The following EPB41L5 variants were observed in gnomAD, a reference collection of about 807,000 sequenced individuals.
The protein encoded by EPB41L5 is erythrocyte membrane protein band 4.1 like 5.
A neutral mutation model predicts 106.6 loss-of-function variants in EPB41L5; 55 were observed. That is an observed-to-expected ratio of 0.52 (90% CI 0.42 to 0.65). The LOEUF is 0.65. EPB41L5 is among the 30% of genes least tolerant of loss of function. The pLI is 0.00. For synonymous variants in EPB41L5, 297 were observed against 306.7 expected, an observed-to-expected ratio of 0.97 and a Z score of 0.33; for missense variants, 871 against 882.1, an observed-to-expected ratio of 0.99 and a Z score of 0.16.
chr2:120,037,154 CCATTT>C (rs1161637729), intron 2 of EPB41L5, among the ~76,000 whole-genome samples: 2 of 151,210 alleles, frequency 1.3e-5, no homozygotes, highest in Non-Finnish European at 2.9e-5. Context: ...ATTAAGAAAA[CCATTT>C]CATTTATAAT....
chr2:120,078,459 A>G (rs1333293990), intron 9 of EPB41L5, 34 bp from the exon 10 acceptor site: 4 of 1,444,702 alleles, frequency 2.8e-6, no homozygotes, highest in East Asian at 4.6e-5. Context: ...TTTTGTACAA[A>G]TAAAGCTAAC....
At chr2:120,160,490 T>C in intron 20 of EPB41L5, 1 of 161,594 alleles carries the variant, frequency 6.2e-6, no homozygotes. Context: ...TTTGATATAT[T>C]GATTTTCTTT....
At chr2:120,063,693 C>T (rs1016359949) in intron 3 of EPB41L5, among the ~76,000 whole-genome samples, 7 of 152,280 alleles carry the variant, frequency 4.6e-5, no homozygotes, top group Middle Eastern at 3.4e-3. Flanking sequence ...CGCCTGTAAT[C>T]CCAATACTTT....
At chr2:120,016,784 C>A (rs1425859268) in intron 1 of EPB41L5, among the ~76,000 whole-genome samples, 1 of 151,814 alleles carries the variant, frequency 6.6e-6, no homozygotes, top group Non-Finnish European at 1.5e-5. Context: ...TTCTGTGACA[C>A]AGGATTTTAG....
chr2:120,051,148 AGT>A (rs1483938680), intron 3 of EPB41L5, among the ~76,000 whole-genome samples: 3 of 152,198 alleles, frequency 2.0e-5, no homozygotes, highest in Non-Finnish European at 4.4e-5. Flanking sequence ...GATCTCAAAC[AGT>A]GTGCTGGGAG....
chr2:120,131,550 A>G, intron 17 of EPB41L5, 68 bp from the exon 18 acceptor site: 1 of 1,032,402 alleles, frequency 9.7e-7, no homozygotes, highest in South Asian at 1.3e-5. Flanking sequence ...ACAAAACCAT[A>G]CCCTCACACA....
At chr2:120,025,767 G>A (rs1269664028) in intron 2 of EPB41L5, among the ~76,000 whole-genome samples, 1 of 152,184 alleles carries the variant, frequency 6.6e-6, no homozygotes, top group African/African-American at 2.4e-5. Flanking sequence ...CTGACCTATA[G>A]TTGTAGAAAT....
intron 17 of EPB41L5, among the ~76,000 whole-genome samples, chr2:120,128,347 G>T (rs1318258211): frequency 2.0e-5 from 3 of 151,970 alleles, no homozygotes; most frequent in Non-Finnish European, 4.4e-5. Flanking sequence ...CTATGTATTT[G>T]TGAGTTTAGT....
chr2:120,025,552 T>G (rs1480782796), intron 2 of EPB41L5, among the ~76,000 whole-genome samples: 1 of 152,214 alleles, frequency 6.6e-6, no homozygotes, highest in South Asian at 2.1e-4. Context: ...CATTTACATT[T>G]AAGGTTAATA....
intron 10 of EPB41L5, among the ~76,000 whole-genome samples, chr2:120,083,597 G>A (rs1682843406): frequency 6.6e-6 from 1 of 152,196 alleles, no homozygotes; most frequent in Non-Finnish European, 1.5e-5. Context: ...GGGGTGGAGA[G>A]TTCTGTAGAT....
chr2:120,023,241 C>T (rs1001455859), intron 2 of EPB41L5, among the ~76,000 whole-genome samples: 5 of 152,170 alleles, frequency 3.3e-5, no homozygotes. Flanking sequence ...GTGATATAGT[C>T]ATGAAGTCTT....
intron 7 of EPB41L5, 150 bp from the exon 8 acceptor site, chr2:120,076,821 C>T (rs2105327892): frequency 3.2e-6 from 2 of 620,760 alleles, no homozygotes; most frequent in Non-Finnish European, 2.6e-6. Flanking sequence ...ACTAATATGC[C>T]AGATTTACTT....
intron 3 of EPB41L5, among the ~76,000 whole-genome samples, chr2:120,071,557 CATG>C (rs1681870737): frequency 6.6e-6 from 1 of 152,322 alleles, no homozygotes; most frequent in Middle Eastern, 3.4e-3. Flanking sequence ...ACCAAAACAA[CATG>C]GTGCTGCTAC....
chr2:120,077,101 G>A lies in EPB41L5; in HGVS notation c.626+10G>A, dbSNP rs766306933. ...AATGGAAGGAATACAGGTATCTGGC[G>A]TTTGACCATACTTTCTTTAAAATCA... On this transcript the variant is annotated intron_variant, in intron 8 of 24. Transcript: ENST00000263713. The A allele has an allele frequency of 3.1e-5, 50 of 1,607,090 alleles. No individual in the cohort carries two copies. The highest frequency in any genetic ancestry group is 8.9e-5 in the East Asian group (4 of 44,760).
At position 120,063,505 on chromosome 2, in the gene EPB41L5, G is replaced by A. The variant is rs151227780; in HGVS notation, c.286-9673G>A. Among the ~76,000 whole-genome samples the A allele has an allele frequency of 4.5e-4, 69 of 152,052 alleles. 1 individual carries two copies. Among genetic ancestry groups the A allele is most frequent in the African/African-American group, 1.6e-3 (65 of 41,464 alleles). On this transcript the variant is annotated intron_variant, in intron 3 of 24. Transcript: ENST00000263713. ...AGTGAATATATAACCTACATAACTCGTGAAAAAACTACCATATTACCCCTA... is the reference window on the plus strand; with the variant it reads ...AGTGAATATATAACCTACATAACTCATGAAAAAACTACCATATTACCCCTA...
chr2:120,090,023 A>G (rs890400203), intron 11 of EPB41L5, among the ~76,000 whole-genome samples: 1 of 152,046 alleles, frequency 6.6e-6, no homozygotes, highest in Non-Finnish European at 1.5e-5. Flanking sequence ...CTGTTGATGC[A>G]TACTGCCAGA....
chr2:120,078,302 T>TA (rs1420098926), intron 9 of EPB41L5, among the ~76,000 whole-genome samples, 191 bp from the exon 10 acceptor site: 1 of 152,184 alleles, frequency 6.6e-6, no homozygotes, highest in Admixed American at 6.5e-5. Flanking sequence ...TGACTAGAAA[T>TA]AAAAATATAT....
chr2:120,149,183 G>A (rs532954666), intron 20 of EPB41L5, among the ~76,000 whole-genome samples: 1 of 151,662 alleles, frequency 6.6e-6, no homozygotes, highest in African/African-American at 2.4e-5. Context: ...TATTTTTGTA[G>A]TAACAGCTTC....
chr2:120,093,833 A>G (rs914917302), intron 14 of EPB41L5, among the ~76,000 whole-genome samples: 5 of 152,148 alleles, frequency 3.3e-5, no homozygotes, highest in African/African-American at 4.8e-5. Flanking sequence ...CTCCTCATCT[A>G]TTTCTTGGGA....
Sources: allele counts gnomAD v4.1 joint callset (sites outside exome capture counted in the v4.1 genomes callset), GRCh38; gene constraint gnomAD v4.1.1; transcripts MANE v1.5; gene names NCBI Gene and HGNC (gene_info 2026-07-23, HGNC 2026-07-21).